The following CSPP1 variants were observed in gnomAD, a reference collection of about 807,000 sequenced individuals.
CSPP1 encodes centrosome and spindle pole-associated protein 1.
In CSPP1, 126 loss-of-function variants were observed where a neutral mutation model predicts 164.4. The ratio of observed to expected loss-of-function variants is 0.77; its 90% confidence interval spans 0.66 to 0.89. The LOEUF is 0.89. Among genes scored for constraint, CSPP1 ranks in the 40% least tolerant of loss-of-function variants. The probability of loss-of-function intolerance (pLI) is 0.00; values close to 1 mark genes in which losing one functional copy is unlikely to be tolerated. For missense variants in CSPP1, 1,395 were observed against 1,449.8 expected (o/e 0.96, Z 0.61); for synonymous variants, 472 against 476.7 (o/e 0.99, Z 0.13).
At chr8:67,124,509 T>C (rs1244163410) in intron 15 of CSPP1, among the ~76,000 whole-genome samples, 4 of 152,162 alleles carry the variant, frequency 2.6e-5, no homozygotes, top group African/African-American at 9.7e-5. Context: ...TATTTATAAA[T>C]TTATTTTTTG....
At chr8:67,149,619 T>C (rs1270628292) in intron 17 of CSPP1, among the ~76,000 whole-genome samples, 164 bp from the exon 18 acceptor site, 1 of 152,238 alleles carries the variant, frequency 6.6e-6, no homozygotes, top group Non-Finnish European at 1.5e-5. Context: ...CTTAAAAGTT[T>C]TGATAATTTT....
In CSPP1 at chr8:67,172,697, G is replaced by A. The variant is rs1019057095; in HGVS notation, c.2968+142G>A. The stretch of plus-strand genomic sequence containing the variant: ...TTAGTTAAAATGAAATGAAACTTAT[G>A]TATTCTCTAGGTCTTCAGTTAACCA... On this transcript the variant is annotated intron_variant, in intron 25 of 30. Coordinates refer to ENST00000678616, the MANE Select transcript of CSPP1 (RefSeq NM_001382391.1). 2.0e-4 allele frequency: 139 copies of A among 707,926 alleles called. No individual in the cohort carries two copies. The African/African-American group carries it at 2.3e-3, about 12-fold the overall frequency. 43.9% of individuals were successfully genotyped at this position (707,926 alleles called of 1,614,324 possible). A position where few individuals can be genotyped will look rare whatever the true frequency, so the allele number is the denominator to read the frequency against.
At position 67,164,395 on chromosome 8, in the gene CSPP1, G is replaced by C; in HGVS notation, c.2715G>C (p.Glu905Asp). ...CTTATCAATGGGAATTTGCAGAGGAGAAAAAAAATGTAATTATGGAATTAT... is the reference window on the plus strand; with the variant it reads ...CTTATCAATGGGAATTTGCAGAGGACAAAAAAAATGTAATTATGGAATTAT... ...ARKNQLRAEE[E>D]KKNVIMELSE... The change falls in exon 24 of 31, where the codon GAG (glutamate) becomes GAC (aspartate). Residue 905 changes from glutamate (E) to aspartate (D), a missense_variant. Coordinates refer to ENST00000678616, the MANE Select transcript of CSPP1 (RefSeq NM_001382391.1). 6.6e-7 allele frequency: 1 copy of C among 1,522,350 alleles called. No individual in the cohort carries two copies. The highest frequency in any genetic ancestry group is 9.1e-7 in the Non-Finnish European group (1 of 1,098,762). The allele number at this position is 1,522,350 out of a possible 1,614,324, so 94.3% of individuals were successfully genotyped here. A position where few individuals can be genotyped will look rare whatever the true frequency, so the allele number is the denominator to read the frequency against.
chr8:67,160,540 T>A (rs1402095872), intron 21 of CSPP1, among the ~76,000 whole-genome samples: 3 of 151,962 alleles, frequency 2.0e-5, no homozygotes, highest in African/African-American at 4.8e-5. Flanking sequence ...TTATGTTTTT[T>A]AAAAATGCTA....
At chr8:67,104,945 T>G (rs1412157546) in intron 8 of CSPP1, among the ~76,000 whole-genome samples, 1 of 132,822 alleles carries the variant, frequency 7.5e-6, no homozygotes, top group African/African-American at 3.0e-5. Flanking sequence ...CGGTCTTACA[T>G]GCACATATAT....
intron 15 of CSPP1, 124 bp downstream of exon 15, chr8:67,118,945 A>T: frequency 1.5e-6 from 1 of 655,850 alleles, no homozygotes; most frequent in Non-Finnish European, 2.7e-6. Flanking sequence ...TATTTTCATA[A>T]TGTGCAACCA....
chr8:67,176,675 C>A (rs1831722156), intron 26 of CSPP1, among the ~76,000 whole-genome samples: 1 of 152,078 alleles, frequency 6.6e-6, no homozygotes, highest in South Asian at 2.1e-4. Context: ...CACAAGTAGT[C>A]CCCATGTGGA....
intron 28 of CSPP1, among the ~76,000 whole-genome samples, chr8:67,189,695 TGA>T (rs1199247906): frequency 6.6e-6 from 1 of 152,134 alleles, no homozygotes; most frequent in African/African-American, 2.4e-5. Context: ...ACTGAAATAT[TGA>T]GAGACAAAAT....
intron 19 of CSPP1, 131 bp downstream of exon 19, chr8:67,154,267 G>C (rs1826253819): frequency 1.8e-6 from 1 of 569,160 alleles, no homozygotes; most frequent in Admixed American, 3.2e-5. Context: ...ATTTATATCA[G>C]ATCAGATATC....
chr8:67,111,837 A>AT lies in CSPP1; in HGVS notation c.1094-128dup, dbSNP rs557916115. 8.8e-4 allele frequency: 442 copies of AT among 499,552 alleles called. 3 individuals are homozygous for AT. In the East Asian group the frequency reaches 0.014, roughly 16 times the overall value. The allele number at this position is 499,552 out of a possible 1,614,324, so 30.9% of individuals were successfully genotyped here. A position where few individuals can be genotyped will look rare whatever the true frequency, so the allele number is the denominator to read the frequency against. ...AATTGAAGAAGGACTGATTCATGTG[A>AT]TTTTTTTCCTTCTGTATTTCTTGCA... On this transcript the variant is annotated intron_variant, in intron 9 of 30. Transcript: ENST00000678616.
Position 67,132,060 on chromosome 8 carries a change from C to T in CSPP1, c.1807C>T (p.Gln603Ter). 6.2e-7 allele frequency: 1 copy of T among 1,612,396 alleles called. No individual in the cohort carries two copies. The highest frequency in any genetic ancestry group is 8.5e-7 in the Non-Finnish European group (1 of 1,179,188). The stretch of plus-strand genomic sequence containing the variant: ...TTCCAAACAGTCACTTCAGTCTTAC[C>T]AAGAGGCTTTGCAGCAGCAGGTATT... ...KPSKQSLQSY[Q>*]EALQQQIRER... The change falls in exon 16 of 31, where the codon CAA becomes TAA. Residue 603 changes from glutamine to a stop codon, truncating the protein, a stop_gained. Coordinates refer to ENST00000678616, the MANE Select transcript of CSPP1 (RefSeq NM_001382391.1). LOFTEE classifies it high-confidence loss of function.
chr8:67,119,832 C>G (rs529146909), intron 15 of CSPP1, among the ~76,000 whole-genome samples: 1 of 152,236 alleles, frequency 6.6e-6, no homozygotes, highest in South Asian at 2.1e-4. Context: ...TGCTCCCATT[C>G]TGTCTTGATA....
At chr8:67,082,656 A>T (rs1809451538) in intron 3 of CSPP1, among the ~76,000 whole-genome samples, 1 of 152,234 alleles carries the variant, frequency 6.6e-6, no homozygotes, top group African/African-American at 2.4e-5. Flanking sequence ...TTTGTTTCAT[A>T]GAGTAATTAT....
At chr8:67,166,634 G>GT (rs1353928925) in intron 24 of CSPP1, among the ~76,000 whole-genome samples, 3 of 151,070 alleles carry the variant, frequency 2.0e-5, no homozygotes, top group Non-Finnish European at 4.4e-5. Context: ...GAGAGGTAGT[G>GT]TTTTTTTTCT....
chr8:67,116,660 C>G (rs1401710576), intron 13 of CSPP1, among the ~76,000 whole-genome samples: 1 of 152,032 alleles, frequency 6.6e-6, no homozygotes, highest in Admixed American at 6.5e-5. Context: ...GATTTGATTT[C>G]TGTAGGTGAA....
At chr8:67,067,561 T>G (rs1364353052) in intron 1 of CSPP1, among the ~76,000 whole-genome samples, 2 of 152,156 alleles carry the variant, frequency 1.3e-5, no homozygotes, top group Non-Finnish European at 2.9e-5. Flanking sequence ...CCTCCCAGGT[T>G]CACTCCATTC....
rs1302637406 is a variant in CSPP1 at position 67,179,976 on chromosome 8, T to C, written c.3220+50T>C. On this transcript the variant is annotated intron_variant, in intron 28 of 30. Coordinates refer to ENST00000678616, the MANE Select transcript of CSPP1 (RefSeq NM_001382391.1). Reference sequence around the variant, plus strand: ...CTATATTGTTTAAATATTAAACCTTTCTCCACACTTAAAAACCAGTACTGT... The same window carrying C: ...CTATATTGTTTAAATATTAAACCTTCCTCCACACTTAAAAACCAGTACTGT... 7.8e-6 allele frequency: 8 copies of C among 1,027,308 alleles called. No homozygotes were observed. The African/African-American group carries it at 1.3e-4, about 16-fold the overall frequency. 63.6% of individuals were successfully genotyped at this position (1,027,308 alleles called of 1,614,324 possible). A position where few individuals can be genotyped will look rare whatever the true frequency, so the allele number is the denominator to read the frequency against.
At position 67,113,834 on chromosome 8, in the gene CSPP1, C is replaced by T. The variant is rs775268714; in HGVS notation, c.1217C>T (p.Ala406Val). Residue 406 changes from alanine (A) to valine (V), a missense_variant, in exon 11 of 31, where the codon GCG (alanine) becomes GTG (valine). By Grantham distance (64) the Ala-to-Val change is moderately conservative. Coordinates refer to ENST00000678616, the MANE Select transcript of CSPP1 (RefSeq NM_001382391.1). ...AAAGATTTAGAACTCAGGGTTGCAGCGTCTGGAGCACAAGACCCTGAGAAA... is the reference window on the plus strand; with the variant it reads ...AAAGATTTAGAACTCAGGGTTGCAGTGTCTGGAGCACAAGACCCTGAGAAA... ...REKDLELRVAASGAQDPEKSW... is the reference protein window; with the variant it reads ...REKDLELRVAVSGAQDPEKSW... 12 of 1,589,860 alleles carry T rather than the reference C, an allele frequency of 7.5e-6. No individual in the cohort carries two copies. In the East Asian group the frequency reaches 1.1e-4, roughly 15 times the overall value.
chr8:67,171,157 T>G (rs983268787), intron 24 of CSPP1, among the ~76,000 whole-genome samples: 1 of 149,570 alleles, frequency 6.7e-6, no homozygotes, highest in Non-Finnish European at 1.5e-5. Flanking sequence ...TCCCAGCACT[T>G]TGGGAGGCCG....
Sources: allele counts gnomAD v4.1 joint callset (sites outside exome capture counted in the v4.1 genomes callset), GRCh38; gene constraint gnomAD v4.1.1; transcripts MANE v1.5; gene names NCBI Gene and HGNC (gene_info 2026-07-23, HGNC 2026-07-21).